XRN1: variants seen among roughly 807,000 people sequenced by gnomAD.
XRN1 encodes the protein 5'-3' exoribonuclease 1, also known as strand-exchange protein 1 homolog.
In XRN1, 67 loss-of-function variants were observed where a neutral mutation model predicts 222.3. The ratio of observed to expected loss-of-function variants is 0.30; its 90% CI spans 0.25 to 0.37. The LOEUF is 0.37. XRN1 is among the 10% of genes least tolerant of loss of function. The pLI is 1.00. For synonymous variants in XRN1, 643 were observed against 652.4 expected (o/e 0.99, Z 0.22); for missense variants, 1,707 against 2,000.2 (o/e 0.85, Z 2.80).
At chr3:142,370,987 T>C (rs1164015228) in intron 26 of XRN1, among the ~76,000 whole-genome samples, 3 of 151,836 alleles carry the variant, frequency 2.0e-5, no homozygotes, top group South Asian at 2.1e-4. Context: ...AAAAAAAAAT[T>C]AGTCAAATGT....
At chr3:142,399,398 AC>A (rs2068045463) in intron 19 of XRN1, among the ~76,000 whole-genome samples, 1 of 152,172 alleles carries the variant, frequency 6.6e-6, no homozygotes, top group Non-Finnish European at 1.5e-5. Flanking sequence ...ATACACAAAT[AC>A]ATGAAAGTAG....
In XRN1 at chr3:142,403,715, T is replaced by C. The variant is rs775793609; in HGVS notation, c.2062A>G (p.Met688Val). The change falls in exon 18 of 41, where the codon ATG (methionine) becomes GTG (valine). Residue 688 changes from methionine to valine, a missense_variant. Physicochemically the swap from Met to Val is conservative, Grantham distance 21. This residue lies in a region of XRN1 where 1,234 missense variants were observed against 1,518.2 expected (regional missense o/e 0.81). Coordinates refer to ENST00000392981, the MANE Select transcript of XRN1 (RefSeq NM_001282857.2). The stretch of plus-strand genomic sequence containing the variant: ...GCATCCACTAAGATTTCCAACATCA[T>C]GTTTTCTCCACGACTGCTTTGCTGG... ...VFQQSSRGENMMLEILVDAES... is the reference protein window; with the variant it reads ...VFQQSSRGENVMLEILVDAES... The C allele has an allele frequency of 3.1e-6, 5 of 1,613,288 alleles. No homozygotes were observed. The African/African-American group carries it at 4.0e-5, about 13-fold the overall frequency.
chr3:142,342,267 A>G (rs2066015652), intron 33 of XRN1, among the ~76,000 whole-genome samples: 1 of 152,234 alleles, frequency 6.6e-6, no homozygotes, highest in African/African-American at 2.4e-5. Context: ...TGAAAACTAT[A>G]AAACATTGAT....
chr3:142,366,232 C>T (rs980925416), intron 27 of XRN1, among the ~76,000 whole-genome samples: 3 of 152,090 alleles, frequency 2.0e-5, no homozygotes, highest in South Asian at 2.1e-4. Context: ...TAATTCTTAT[C>T]GAATTTTAAA....
Position 142,365,098 on chromosome 3 carries a change from T to C in XRN1, c.3343A>G (p.Asn1115Asp), listed in dbSNP as rs755819732. The change falls in exon 29 of 41, where the codon AAC becomes GAC. Residue 1115 changes from asparagine (N) to aspartate (D), a missense_variant. Physicochemically the swap from Asn to Asp is conservative, Grantham distance 23. This residue lies in a region of XRN1 where 1,234 missense variants were observed against 1,518.2 expected (regional missense o/e 0.81). Coordinates refer to ENST00000392981, the MANE Select transcript of XRN1 (RefSeq NM_001282857.2). Reference sequence around the variant, plus strand: ...CGAAGGCCAACTGGAACTGAGAAGTTTTCTCTCACATTTACAACACGGTCA... The same window carrying C: ...CGAAGGCCAACTGGAACTGAGAAGTCTTCTCTCACATTTACAACACGGTCA... ...LFDRVVNVRE[N>D]FSVPVGLRGT... is the part of the protein sequence containing the mutation. 5.0e-6 allele frequency: 8 copies of C among 1,613,576 alleles called. No homozygotes were observed. The South Asian group carries it at 6.6e-5, about 13-fold the overall frequency.
At chr3:142,315,512 CTT>C (rs67808281) in intron 39 of XRN1, among the ~76,000 whole-genome samples, 36 of 140,748 alleles carry the variant, frequency 2.6e-4, no homozygotes, top group South Asian at 4.5e-4. Context: ...TTTTCTTTTT[CTT>C]TTTTTTTTTT....
At chr3:142,314,904 C>CAA (rs776430519) in intron 39 of XRN1, among the ~76,000 whole-genome samples, 924 of 22,234 alleles carry the variant, frequency 0.042, 110 homozygotes, top group East Asian at 0.077. Flanking sequence ...GACTCTGTCT[C>CAA]AAAAAAAAAA....
intron 2 of XRN1, among the ~76,000 whole-genome samples, chr3:142,427,082 T>C (rs1194152042): frequency 6.6e-6 from 1 of 152,132 alleles, no homozygotes; most frequent in Non-Finnish European, 1.5e-5. Flanking sequence ...GTAATCTCAA[T>C]ATTTTGGGAG....
chr3:142,424,026 G>C (rs1333031672), intron 5 of XRN1, among the ~76,000 whole-genome samples: 2 of 150,842 alleles, frequency 1.3e-5, no homozygotes, highest in African/African-American at 4.9e-5. Context: ...TGGAGACCAG[G>C]ATAGCCCCAG....
Position 142,307,318 on chromosome 3 carries a change from A to G in XRN1, c.*4193T>C, listed in dbSNP as rs1432239589. 6.6e-6 allele frequency: 1 copy of G among 152,048 alleles called. No homozygotes were observed. Among genetic ancestry groups the G allele is most frequent in the East Asian group, 1.9e-4 (1 of 5,188 alleles). The allele number at this position is 152,048 out of a possible 1,614,324, so 9.4% of individuals were successfully genotyped here. A position where few individuals can be genotyped will look rare whatever the true frequency, so the allele number is the denominator to read the frequency against. ...ACCTATTTGGCCTGGACAATTTAAT[A>G]GTATACCAACTGCTGAAACAACCAA... On this transcript the variant is annotated 3_prime_UTR_variant, in exon 41 of 41. Coordinates refer to ENST00000392981, the MANE Select transcript of XRN1 (RefSeq NM_001282857.2).
In XRN1 at chr3:142,349,193, A is replaced by T. The variant is rs139046117; in HGVS notation, c.3769-1851T>A. Among the ~76,000 whole-genome samples, 714 of 150,872 alleles carry T rather than the reference A, an allele frequency of 4.7e-3. 4 individuals carry two copies. Among genetic ancestry groups the T allele is most frequent in the Non-Finnish European group, 8.4e-3 (569 of 67,616 alleles). On this transcript the variant is annotated intron_variant, in intron 32 of 40. Transcript: ENST00000392981. ...GGTCTCGAACTCCTGGGCTCCAGTG[A>T]CCTACCTGCGTTGGCCTTCAAAAGT...
chr3:142,383,585 T>C (rs969608202), intron 21 of XRN1, among the ~76,000 whole-genome samples, 172 bp from the exon 22 acceptor site: 2 of 152,232 alleles, frequency 1.3e-5, no homozygotes, highest in African/African-American at 2.4e-5. Context: ...CACCCTTCTA[T>C]GTGCTTCACA....
chr3:142,425,367 GGT>G, intron 4 of XRN1, 35 bp from the exon 5 acceptor site: 1 of 1,583,728 alleles, frequency 6.3e-7, no homozygotes, highest in South Asian at 1.1e-5. Flanking sequence ...GCAGTAATAT[GGT>G]ATATGCTTGA....
At chr3:142,432,553 AC>A (rs1354375541) in intron 2 of XRN1, 107 bp downstream of exon 2, 1 of 1,060,310 alleles carries the variant, frequency 9.4e-7, no homozygotes, top group Non-Finnish European at 1.3e-6. Context: ...GGGGGAGTTT[AC>A]GCAGAAAATA....
intron 28 of XRN1, 38 bp downstream of exon 28, chr3:142,365,272 G>A: frequency 6.3e-7 from 1 of 1,581,118 alleles, no homozygotes; most frequent in South Asian, 1.2e-5. Flanking sequence ...CATTCAAAGT[G>A]AAAGCAACAA....
chr3:142,341,642 T>TA (rs905605652), intron 33 of XRN1, among the ~76,000 whole-genome samples: 2 of 151,870 alleles, frequency 1.3e-5, no homozygotes, highest in Non-Finnish European at 1.5e-5. Context: ...CTGAATGGAT[T>TA]AAAAAAAGGA....
intron 30 of XRN1, among the ~76,000 whole-genome samples, chr3:142,358,152 T>C (rs1331196995): frequency 6.6e-6 from 1 of 152,224 alleles, no homozygotes; most frequent in African/African-American, 2.4e-5. Context: ...AGTATAGCTC[T>C]TCCTAAGCAA....
chr3:142,399,528 G>T (rs2068049441), intron 19 of XRN1, among the ~76,000 whole-genome samples: 1 of 151,890 alleles, frequency 6.6e-6, no homozygotes, highest in Non-Finnish European at 1.5e-5. Context: ...TCTGGATCTA[G>T]GGCTAGAATA....
chr3:142,397,520 G>A, intron 19 of XRN1, 60 bp from the exon 20 acceptor site: 1 of 1,355,118 alleles, frequency 7.4e-7, no homozygotes, highest in South Asian at 1.8e-5. Context: ...TAGAGTTCTA[G>A]CAGTGTGAGT....
Sources: allele counts gnomAD v4.1 joint callset (sites outside exome capture counted in the v4.1 genomes callset), GRCh38; gene constraint gnomAD v4.1.1; regional missense constraint gnomAD v4.1.1; transcripts MANE v1.5; gene names NCBI Gene and HGNC (gene_info 2026-07-23, HGNC 2026-07-21).